The following WWOX variants were observed in gnomAD, a reference collection of about 807,000 sequenced individuals.
WWOX encodes the protein WW domain-containing oxidoreductase.
WWOX carries 69 observed loss-of-function variants against 46.2 expected under a neutral mutation model. The ratio of observed to expected loss-of-function variants is 1.49; its 90% confidence interval spans 1.23 to 1.82. The LOEUF (loss-of-function observed/expected upper bound fraction) is 1.82, where lower values mean the gene tolerates loss of function less well. Among genes scored for constraint, WWOX ranks in the 40% most tolerant of loss-of-function variants. The pLI is 0.00. For missense variants in WWOX, 919 were observed against 542.6 expected (o/e 1.69, Z -6.89); for synonymous variants, 359 against 202.6 (o/e 1.77, Z -6.56).
At chr16:78,587,062 G>T (rs891298423) in intron 8 of WWOX, among the ~76,000 whole-genome samples, 1 of 152,096 alleles carries the variant, frequency 6.6e-6, no homozygotes, top group African/African-American at 2.4e-5. Context: ...GCCTCACCCT[G>T]TTGCCCAGGC....
intron 4 of WWOX, among the ~76,000 whole-genome samples, chr16:78,144,469 A>G (rs867062635): frequency 0.041 from 570 of 13,824 alleles, 51 homozygotes; most frequent in African/African-American, 0.12. Context: ...ATATACACAC[A>G]TATATATATA....
In WWOX at chr16:78,391,799, C is replaced by T. The variant is rs925920782; in HGVS notation, c.605+4851C>T. ...GGGGTGGGCAGAGGTTGCAGTGAGC[C>T]GAGATCATGCCTGGGGGACAGTGAG... is the stretch of plus-strand genomic sequence containing the variant. On this transcript the variant is annotated intron_variant, in intron 6 of 8. Coordinates refer to ENST00000566780, the MANE Select transcript of WWOX (RefSeq NM_016373.4). 1.5e-4 allele frequency among the ~76,000 whole-genome samples: 23 copies of T among 152,154 alleles called. No individual in the cohort carries two copies. In the East Asian group the frequency reaches 2.3e-3, roughly 15 times the overall value.
chr16:78,552,242 A>G (rs1254387973), intron 8 of WWOX: 1 of 152,136 alleles, frequency 6.6e-6, no homozygotes, highest in Non-Finnish European at 1.5e-5. Flanking sequence ...CGTTCCGATG[A>G]GGCCGTCTCA....
intron 8 of WWOX, among the ~76,000 whole-genome samples, chr16:78,876,485 T>A (rs2044236812): frequency 1.3e-5 from 2 of 150,298 alleles, no homozygotes; most frequent in South Asian, 2.1e-4. Context: ...TTTTTTTTTT[T>A]AAAGGAGTTT....
At position 78,802,943 on chromosome 16, in the gene WWOX, C is replaced by CAAAA. The variant is rs1044478788; in HGVS notation, c.1056+370193_1056+370194insAAAA. On this transcript the variant is annotated intron_variant, in intron 8 of 8. Transcript: ENST00000566780. ...AAAAAAAAAAAAAAAAAAAAAAAAA[C>CAAAA]AACAAACAGAAAAATGAACGAGTGA... Among the ~76,000 whole-genome samples, 95 of 40,848 alleles carry CAAAA rather than the reference C, an allele frequency of 2.3e-3. 5 individuals are homozygous for CAAAA. The highest frequency in any genetic ancestry group is 8.8e-3 in the African/African-American group (91 of 10,324). 26.8% of individuals were successfully genotyped at this position (40,848 alleles called of 152,430 possible).
Position 78,585,813 on chromosome 16 carries a change from G to A in WWOX, c.1056+153061G>A, listed in dbSNP as rs375161732. Among the ~76,000 whole-genome samples the A allele has an allele frequency of 1.1e-4, 16 of 151,788 alleles. No homozygotes were observed. The East Asian group carries it at 2.1e-3, about 20-fold the overall frequency. On this transcript the variant is annotated intron_variant, in intron 8 of 8. Coordinates refer to ENST00000566780, the MANE Select transcript of WWOX (RefSeq NM_016373.4). ...GATTCCCGTATCATGGTGCTCCTTG[G>A]CCTGATTCTGTGGCCTTTATATTAG...
chr16:78,692,167 A>G (rs765548105), intron 8 of WWOX, among the ~76,000 whole-genome samples: 5 of 152,294 alleles, frequency 3.3e-5, no homozygotes, highest in Non-Finnish European at 7.4e-5. Flanking sequence ...GAGGAAATCC[A>G]TGTGTTAGGA....
At chr16:79,066,759 C>G (rs1400911899) in intron 8 of WWOX, among the ~76,000 whole-genome samples, 1 of 152,218 alleles carries the variant, frequency 6.6e-6, no homozygotes, top group African/African-American at 2.4e-5. Flanking sequence ...GGACTTTGCT[C>G]CTTGGAGAAT....
At chr16:78,530,036 T>C (rs992825869) in intron 8 of WWOX, among the ~76,000 whole-genome samples, 2 of 152,092 alleles carry the variant, frequency 1.3e-5, no homozygotes, top group African/African-American at 4.8e-5. Flanking sequence ...AGAGGTGAAC[T>C]GCACTCACTT....
chr16:79,053,200 T>C (rs770720945), intron 8 of WWOX, among the ~76,000 whole-genome samples: 3 of 152,170 alleles, frequency 2.0e-5, no homozygotes, highest in Non-Finnish European at 4.4e-5. Context: ...AGAAACTAGA[T>C]GGGGAGGCCA....
chr16:78,864,669 T>C (rs2043963342), intron 8 of WWOX, among the ~76,000 whole-genome samples: 1 of 152,030 alleles, frequency 6.6e-6, no homozygotes, highest in Admixed American at 6.6e-5. Context: ...AGATTCCCTG[T>C]TAGCACAGGG....
chr16:78,566,703 T>A (rs1455011919), intron 8 of WWOX, among the ~76,000 whole-genome samples: 4 of 152,138 alleles, frequency 2.6e-5, no homozygotes, highest in Admixed American at 2.6e-4. Context: ...AGATTGGAAA[T>A]TTTAGTGACA....
In WWOX at chr16:78,575,999, T is replaced by C. The variant is rs1028120191; in HGVS notation, c.1056+143247T>C. On this transcript the variant is annotated intron_variant, in intron 8 of 8. Transcript: ENST00000566780. ...ATTATTTTTTTCATTTTTCAGAGCA[T>C]GTACTGGATTATCATTTATTTATGA... 5.9e-5 allele frequency among the ~76,000 whole-genome samples: 9 copies of C among 152,162 alleles called. No individual in the cohort carries two copies. In the South Asian group the frequency reaches 1.5e-3, roughly 25 times the overall value.
At chr16:78,759,586 G>C (rs139079785) in intron 8 of WWOX, among the ~76,000 whole-genome samples, 4 of 152,084 alleles carry the variant, frequency 2.6e-5, no homozygotes, top group African/African-American at 9.7e-5. Flanking sequence ...ACCCTCTAAA[G>C]AATTCTCAAT....
chr16:78,945,442 G>C (rs996302336), intron 8 of WWOX, among the ~76,000 whole-genome samples: 7 of 152,156 alleles, frequency 4.6e-5, no homozygotes, highest in Admixed American at 3.3e-4. Flanking sequence ...TCAAAATCAG[G>C]TTTGAAAGTC....
At chr16:78,885,719 A>G (rs1302373963) in intron 8 of WWOX, among the ~76,000 whole-genome samples, 8 of 152,152 alleles carry the variant, frequency 5.3e-5, no homozygotes, top group Non-Finnish European at 7.4e-5. Context: ...TATCTCACGA[A>G]TGGCAGAAGA....
intron 8 of WWOX, among the ~76,000 whole-genome samples, chr16:78,836,370 C>G (rs964272694): frequency 6.6e-6 from 1 of 152,120 alleles, no homozygotes; most frequent in Non-Finnish European, 1.5e-5. Context: ...ATAGGAGGCC[C>G]TCTCTGTGAT....
At chr16:78,469,761 TTTTCCCTG>T (rs1218537125) in intron 8 of WWOX, among the ~76,000 whole-genome samples, 3 of 152,162 alleles carry the variant, frequency 2.0e-5, no homozygotes, top group Non-Finnish European at 4.4e-5. Context: ...ACCAGGCATA[TTTTCCCTG>T]TTTCCCTAAG....
chr16:79,056,526 G>C (rs1240238812), intron 8 of WWOX, among the ~76,000 whole-genome samples: 1 of 152,148 alleles, frequency 6.6e-6, no homozygotes, highest in Middle Eastern at 3.2e-3. Context: ...CTCAAGCTTT[G>C]GCACTGCCAA....
Sources: gnomAD v4.1 joint callset for allele counts (sites outside exome capture counted in the v4.1 genomes callset) on GRCh38, gnomAD v4.1.1 for gene constraint, MANE v1.5 for transcripts, NCBI Gene and HGNC (gene_info 2026-07-23, HGNC 2026-07-21) for gene names.